DGLUCY: variants seen among roughly 807,000 people sequenced by gnomAD.
The protein encoded by DGLUCY is D-glutamate cyclase, mitochondrial.
In DGLUCY, 58 loss-of-function variants were observed where a neutral mutation model predicts 58.5. The observed-to-expected ratio is 0.99, with a 90% CI of 0.80 to 1.23. The LOEUF is 1.23. Among genes scored for constraint, DGLUCY ranks in the 50% most tolerant of loss-of-function variants. The probability of loss-of-function intolerance (pLI) is 0.00; values close to 1 mark genes in which losing one functional copy is unlikely to be tolerated. For missense variants in DGLUCY, 779 were observed against 784.7 expected (o/e 0.99, Z 0.09); for synonymous variants, 325 against 314.1 (o/e 1.03, Z -0.37).
At chr14:91,102,679 C>T (rs1325940517) in intron 1 of DGLUCY, among the ~76,000 whole-genome samples, 2 of 150,794 alleles carry the variant, frequency 1.3e-5, no homozygotes, top group Admixed American at 6.6e-5. Flanking sequence ...TGCATGTGCT[C>T]TAGCAGATTT....
chr14:91,088,762 GAC>G (rs1171202334), intron 1 of DGLUCY, among the ~76,000 whole-genome samples: 2 of 150,920 alleles, frequency 1.3e-5, no homozygotes, highest in African/African-American at 5.0e-5. Flanking sequence ...TGTGAACACA[GAC>G]ATGTGTACAT....
intron 1 of DGLUCY, among the ~76,000 whole-genome samples, chr14:91,068,112 C>CACACACACACCCCT (rs1566928282): frequency 6.8e-6 from 1 of 146,280 alleles, no homozygotes; most frequent in East Asian, 1.9e-4. Flanking sequence ...CACACACACA[C>CACACACACACCCCT]ACACCCCTTG....
At chr14:91,076,813 AG>A (rs2140038626) in intron 1 of DGLUCY, among the ~76,000 whole-genome samples, 1 of 152,254 alleles carries the variant, frequency 6.6e-6, no homozygotes, top group South Asian at 2.1e-4. Context: ...CAGAGCAATG[AG>A]GCTGCATGAG....
At chr14:91,160,920 G>A (rs766137054) in intron 3 of DGLUCY, among the ~76,000 whole-genome samples, 47 of 152,236 alleles carry the variant, frequency 3.1e-4, no homozygotes, top group Non-Finnish European at 7.4e-5. Context: ...AAAAAGACTC[G>A]TCTGGTTATG....
In DGLUCY at chr14:91,114,249, G is replaced by A. The variant is rs1595662182; in HGVS notation, c.-116G>A. On this transcript the variant is annotated 5_prime_UTR_variant, in exon 1 of 14. Coordinates refer to ENST00000256324, the MANE Select transcript of DGLUCY (RefSeq NM_001102368.3). ...GGCCGTGGAAACAAAGGGAGGAACT[G>A]TTTGTAGCCCTCGTCCAGACGCCCC... The A allele has an allele frequency of 6.6e-6, 1 of 152,382 alleles. No homozygotes were observed. Among genetic ancestry groups the A allele is most frequent in the East Asian group, 1.9e-4 (1 of 5,198 alleles). The allele number at this position is 152,382 out of a possible 1,614,324, so 9.4% of individuals were successfully genotyped here.
At chr14:91,136,122 A>G (rs896670662) in intron 1 of DGLUCY, among the ~76,000 whole-genome samples, 1 of 151,062 alleles carries the variant, frequency 6.6e-6, no homozygotes, top group Admixed American at 6.6e-5. Flanking sequence ...TTTAGTAGAG[A>G]CGGGGTTTCA....
intron 1 of DGLUCY, among the ~76,000 whole-genome samples, chr14:91,152,765 A>G (rs1473124308): frequency 2.0e-5 from 3 of 152,156 alleles, no homozygotes; most frequent in African/African-American, 7.2e-5. Flanking sequence ...GATCCAGGGG[A>G]CATCTACAGA....
chr14:91,210,718 G>A (rs1885543475), intron 12 of DGLUCY, among the ~76,000 whole-genome samples: 1 of 152,094 alleles, frequency 6.6e-6, no homozygotes, highest in Admixed American at 6.6e-5. Flanking sequence ...GGAACTTCCT[G>A]AACTCGATAA....
intron 1 of DGLUCY, among the ~76,000 whole-genome samples, chr14:91,102,539 A>T (rs962557506): frequency 1.3e-5 from 2 of 152,170 alleles, no homozygotes; most frequent in African/African-American, 4.8e-5. Context: ...TTGAGGGTAG[A>T]GGCAGATGTG....
intron 8 of DGLUCY, among the ~76,000 whole-genome samples, chr14:91,184,550 T>TGAAAGAAAGAAAGAAA (rs367861135): frequency 1.8e-4 from 17 of 95,630 alleles, no homozygotes; most frequent in African/African-American, 7.0e-4. Context: ...CAATACCCTG[T>TGAAAGAAAGAAAGAAA]GAAAGAAAGA....
At chr14:91,167,011 C>T (rs1595816859) in intron 3 of DGLUCY, among the ~76,000 whole-genome samples, 2 of 152,058 alleles carry the variant, frequency 1.3e-5, no homozygotes, top group East Asian at 1.9e-4. Context: ...TGGTGGCAGA[C>T]GCCTGTGATC....
chr14:91,135,047 C>G (rs980528442), intron 1 of DGLUCY, among the ~76,000 whole-genome samples: 1 of 152,006 alleles, frequency 6.6e-6, no homozygotes, highest in African/African-American at 2.4e-5. Flanking sequence ...ACTAGCCTCC[C>G]GAAGTAGCTG....
chr14:91,182,550 G>A (rs747051693), intron 8 of DGLUCY, among the ~76,000 whole-genome samples: 4 of 151,982 alleles, frequency 2.6e-5, no homozygotes, highest in East Asian at 3.9e-4. Flanking sequence ...TTCCCGCCTC[G>A]GCCTCCCAAA....
At chr14:91,167,507 T>C (rs2140381828) in intron 4 of DGLUCY, 129 bp downstream of exon 4, 1 of 1,232,306 alleles carries the variant, frequency 8.1e-7, no homozygotes, top group East Asian at 2.3e-5. Flanking sequence ...AGAACCTCAC[T>C]CATGACTGTT....
At chr14:91,182,241 G>A (rs577307287) in intron 8 of DGLUCY, among the ~76,000 whole-genome samples, 40 of 151,712 alleles carry the variant, frequency 2.6e-4, no homozygotes, top group East Asian at 2.1e-3. Context: ...TCGGCCTCCC[G>A]AAGTGCTGGG....
chr14:91,101,181 CTA>C (rs1323982400), intron 1 of DGLUCY, among the ~76,000 whole-genome samples: 4 of 152,114 alleles, frequency 2.6e-5, no homozygotes, highest in African/African-American at 9.7e-5. Context: ...AGTGGGGTAA[CTA>C]TGTTAACATC....
intron 9 of DGLUCY, among the ~76,000 whole-genome samples, chr14:91,191,970 CAATT>C (rs2049927612): frequency 1.3e-5 from 2 of 152,144 alleles, no homozygotes; most frequent in African/African-American, 4.8e-5. Context: ...GTGGCTCAAA[CAATT>C]AAAAACAGCA....
intron 13 of DGLUCY, chr14:91,220,455 A>G (rs554407475): frequency 2.2e-6 from 1 of 455,924 alleles, no homozygotes; most frequent in South Asian, 1.5e-5. Flanking sequence ...AGGCTGGGGC[A>G]GGTGTCAGGG....
Position 91,225,096 on chromosome 14 carries a change from T to G in DGLUCY, c.*263T>G. The G allele has an allele frequency of 3.2e-6, 1 of 313,682 alleles. No homozygotes were observed. The highest frequency in any genetic ancestry group is 5.8e-6 in the Non-Finnish European group (1 of 173,378). The allele number at this position is 313,682 out of a possible 1,614,324, so 19.4% of individuals were successfully genotyped here. The stretch of plus-strand genomic sequence containing the variant: ...CGTTGATTTCAACCCTCCTTCACTC[T>G]GGCTTCTTCAGGCAACCCACGTGGT... On this transcript the variant is annotated 3_prime_UTR_variant, in exon 14 of 14. Transcript: ENST00000256324.
Sources: gnomAD v4.1 joint callset for allele counts (sites outside exome capture counted in the v4.1 genomes callset) on GRCh38, gnomAD v4.1.1 for gene constraint, MANE v1.5 for transcripts, NCBI Gene and HGNC (gene_info 2026-07-23, HGNC 2026-07-21) for gene names.